NAV3: variants seen among roughly 807,000 people sequenced by gnomAD.
The protein encoded by NAV3 is pore membrane and/or filament interacting like protein 1.
In NAV3, 87 loss-of-function variants were observed where a neutral mutation model predicts 244.7. That is an observed-to-expected ratio of 0.36 (90% CI 0.30 to 0.42). The LOEUF (loss-of-function observed/expected upper bound fraction) is 0.42. NAV3 is among the 20% of genes least tolerant of loss of function. NAV3 has a pLI of 1.00. For synonymous variants in NAV3, 1,126 were observed against 1,042.2 expected, an observed-to-expected ratio of 1.08 and a Z score of -1.55; for missense variants, 2,663 against 2,893.3, an observed-to-expected ratio of 0.92 and a Z score of 1.83.
At chr12:77,743,134 C>A (rs1277125145) in intron 2 of NAV3, among the ~76,000 whole-genome samples, 1 of 151,950 alleles carries the variant, frequency 6.6e-6, no homozygotes, top group Admixed American at 6.6e-5. Context: ...CTTACAGTAT[C>A]AATAAGTATA....
intron 24 of NAV3, among the ~76,000 whole-genome samples, chr12:78,174,931 T>G (rs1337620221): frequency 3.3e-5 from 5 of 152,072 alleles, no homozygotes; most frequent in African/African-American, 1.2e-4. Context: ...CAATTAATTC[T>G]CATTCTGAGT....
At chr12:78,126,875 G>A (rs1955931562) in intron 16 of NAV3, among the ~76,000 whole-genome samples, 1 of 152,092 alleles carries the variant, frequency 6.6e-6, no homozygotes, top group Non-Finnish European at 1.5e-5. Flanking sequence ...AACTAAGATA[G>A]TATTTAATCA....
intron 2 of NAV3, among the ~76,000 whole-genome samples, chr12:77,709,201 C>A (rs1362023214): frequency 6.6e-6 from 1 of 152,100 alleles, no homozygotes; most frequent in African/African-American, 2.4e-5. Context: ...AAGACAAAAA[C>A]CACATGATTA....
intron 2 of NAV3, among the ~76,000 whole-genome samples, chr12:77,612,147 A>G (rs1056024486): frequency 6.6e-6 from 1 of 152,064 alleles, no homozygotes; most frequent in African/African-American, 2.4e-5. Context: ...CAGACTTTTT[A>G]AAGTATGGCA....
intron 2 of NAV3, among the ~76,000 whole-genome samples, chr12:77,758,803 A>G (rs887763432): frequency 1.3e-5 from 2 of 152,224 alleles, no homozygotes; most frequent in African/African-American, 4.8e-5. Flanking sequence ...TCAAACTTTG[A>G]AGTAAGAGCA....
intron 2 of NAV3, among the ~76,000 whole-genome samples, chr12:77,738,825 A>G (rs1349409997): frequency 1.3e-5 from 2 of 152,072 alleles, no homozygotes; most frequent in African/African-American, 4.8e-5. Context: ...CCTGGCTAAC[A>G]CGGTGAAACC....
At chr12:77,721,797 C>A (rs1204448666) in intron 2 of NAV3, among the ~76,000 whole-genome samples, 1 of 152,030 alleles carries the variant, frequency 6.6e-6, no homozygotes. Context: ...TAGAGCAGTT[C>A]GTGGCCCTTA....
chr12:78,082,351 T>G (rs1458805668), intron 12 of NAV3, among the ~76,000 whole-genome samples: 3 of 152,242 alleles, frequency 2.0e-5, no homozygotes, highest in Admixed American at 6.5e-5. Flanking sequence ...CAAATATAAA[T>G]ATTGGCTGAT....
chr12:77,780,592 C>A (rs1362569722), intron 2 of NAV3, among the ~76,000 whole-genome samples: 1 of 152,088 alleles, frequency 6.6e-6, no homozygotes, highest in Non-Finnish European at 1.5e-5. Context: ...GAAGATTGGT[C>A]AGTGTGTTTG....
chr12:78,057,299 C>G (rs531661930), intron 11 of NAV3, among the ~76,000 whole-genome samples: 36 of 152,284 alleles, frequency 2.4e-4, no homozygotes, highest in Non-Finnish European at 4.3e-4. Context: ...ACAAACTAAT[C>G]TAAGAATTCT....
At chr12:77,629,143 A>ATAGTG in intron 2 of NAV3, among the ~76,000 whole-genome samples, 1 of 152,200 alleles carries the variant, frequency 6.6e-6, no homozygotes, top group Non-Finnish European at 1.5e-5. Flanking sequence ...CCTGGCATGA[A>ATAGTG]AGCAATAAAG....
At chr12:77,964,619 T>C (rs1892352434) in intron 3 of NAV3, among the ~76,000 whole-genome samples, 1 of 152,188 alleles carries the variant, frequency 6.6e-6, no homozygotes, top group Non-Finnish European at 1.5e-5. Context: ...AGCGGCAGAA[T>C]GAAATATGAA....
At position 78,119,706 on chromosome 12, in the gene NAV3, T is replaced by G. The variant is rs746305406; in HGVS notation, c.3510T>G (p.Ser1170=). 5 of 1,614,196 alleles carry G rather than the reference T, an allele frequency of 3.1e-6. No individual in the cohort carries two copies. The South Asian group carries it at 4.4e-5, about 14-fold the overall frequency. Residue 1170 remains serine, a synonymous_variant, in exon 15 of 40, where the codon TCT becomes TCG. Transcript: ENST00000397909. ...TTGATTCCAACGTCAGCAGCAAGTCTGCTGGGGCCACCACCTCGAAACTGA... is the reference window on the plus strand; with the variant it reads ...TTGATTCCAACGTCAGCAGCAAGTCGGCTGGGGCCACCACCTCGAAACTGA... ...SSIDSNVSSK[S]AGATTSKLRE...
At chr12:78,160,832 A>T (rs1957512467) in intron 23 of NAV3, among the ~76,000 whole-genome samples, 1 of 151,374 alleles carries the variant, frequency 6.6e-6, no homozygotes. Flanking sequence ...TGAAACATAA[A>T]TTTTCCTTTC....
At chr12:77,794,922 C>T in intron 2 of NAV3, among the ~76,000 whole-genome samples, 1 of 152,164 alleles carries the variant, frequency 6.6e-6, no homozygotes, top group Non-Finnish European at 1.5e-5. Context: ...GTCCCTCTCC[C>T]TGGGCCTTAC....
rs557857297 is a variant in NAV3, at chr12:78,007,110, C to A, written c.1572C>A (p.Ser524=). The A allele has an allele frequency of 1.6e-5, 26 of 1,614,094 alleles. No individual in the cohort carries two copies. In the East Asian group the frequency reaches 5.1e-4, roughly 32 times the overall value. The change falls in exon 8 of 40, where the codon TCC becomes TCA. Residue 524 remains serine, a synonymous_variant. Coordinates refer to ENST00000397909, the MANE Select transcript of NAV3 (RefSeq NM_001024383.2). ...AAKKESLIPS[S]SGIPKPGSKV... is the part of the protein sequence containing the mutation. The stretch of plus-strand genomic sequence containing the variant: ...AGAAGGAAAGCTTAATTCCGTCTTC[C>A]AGTGGTATTCCAAAACCAGGCTCTA...
At chr12:77,875,952 C>T (rs1881789834) in intron 1 of NAV3, among the ~76,000 whole-genome samples, 2 of 152,092 alleles carry the variant, frequency 1.3e-5, no homozygotes, top group Admixed American at 6.6e-5. Flanking sequence ...CTTTGTGGCT[C>T]AGGTCCTCAG....
chr12:77,874,034 C>T (rs967634479), intron 1 of NAV3, among the ~76,000 whole-genome samples: 22 of 151,344 alleles, frequency 1.5e-4, no homozygotes, highest in African/African-American at 4.4e-4. Flanking sequence ...TTGTGAACTG[C>T]GATGTGAGGG....
At chr12:77,897,535 T>A (rs4142920) in intron 1 of NAV3, among the ~76,000 whole-genome samples, 64,348 of 151,914 alleles carry the variant, frequency 0.42, 14,911 homozygotes, top group African/African-American at 0.63. Flanking sequence ...TTCTGTTGGC[T>A]TCAGTTTCAA....
Sources: gnomAD v4.1 joint callset for allele counts (sites outside exome capture counted in the v4.1 genomes callset) on GRCh38, gnomAD v4.1.1 for gene constraint, MANE v1.5 for transcripts, NCBI Gene and HGNC (gene_info 2026-07-23, HGNC 2026-07-21) for gene names.